SLC35F4: variants seen among roughly 807,000 people sequenced by gnomAD.
SLC35F4 encodes chromosome 14 open reading frame 36.
SLC35F4 carries 24 observed loss-of-function variants against 44.2 expected under a neutral mutation model. That is an observed-to-expected ratio of 0.54 (90% CI 0.39 to 0.76). The LOEUF is 0.76. Among genes scored for constraint, SLC35F4 ranks in the 30% least tolerant of loss-of-function variants. SLC35F4 has a pLI of 0.00. For missense variants in SLC35F4, 562 were observed against 586.1 expected, an observed-to-expected ratio of 0.96 and a Z score of 0.42; for synonymous variants, 238 against 223.6, an observed-to-expected ratio of 1.06 and a Z score of -0.57.
intron 1 of SLC35F4, among the ~76,000 whole-genome samples, chr14:57,756,194 T>C (rs994408221): frequency 1.3e-5 from 2 of 152,238 alleles, no homozygotes; most frequent in Admixed American, 1.3e-4. Flanking sequence ...TTTTTTAATA[T>C]AAGCCTTTAA....
chr14:57,731,081 TGACAA>T (rs1041661685), intron 1 of SLC35F4, among the ~76,000 whole-genome samples: 6 of 152,124 alleles, frequency 3.9e-5, no homozygotes, highest in Admixed American at 3.9e-4. Context: ...AAGGGGACCT[TGACAA>T]GACAAAAGGG....
At chr14:57,624,309 T>C (rs563144878) in intron 1 of SLC35F4, among the ~76,000 whole-genome samples, 92 of 152,288 alleles carry the variant, frequency 6.0e-4, no homozygotes, top group African/African-American at 2.2e-3. Flanking sequence ...CAGTAATTAA[T>C]AGCTTACCAA....
Position 57,571,876 on chromosome 14 carries a change from A to G in SLC35F4, c.933+18T>C, listed in dbSNP as rs761651147. 38 of 1,600,352 alleles carry G rather than the reference A, an allele frequency of 2.4e-5. No individual in the cohort carries two copies. In the Admixed American group the frequency reaches 6.5e-4, roughly 27 times the overall value. On this transcript the variant is annotated intron_variant, in intron 5 of 7. Coordinates refer to ENST00000556826, the MANE Select transcript of SLC35F4 (RefSeq NM_001306087.2). ...GTTATGAGTGACAGTTGCTTACAAA[A>G]GAAAGTGCACAACATACCTTATATA... is the stretch of plus-strand genomic sequence containing the variant.
At chr14:57,697,222 T>C (rs1304944814) in intron 1 of SLC35F4, among the ~76,000 whole-genome samples, 1 of 152,196 alleles carries the variant, frequency 6.6e-6, no homozygotes, top group Admixed American at 6.5e-5. Flanking sequence ...TTCTCTTTGA[T>C]ACATTGGTCA....
chr14:57,858,804 G>A (rs1887393278), intron 1 of SLC35F4, among the ~76,000 whole-genome samples: 1 of 150,622 alleles, frequency 6.6e-6, no homozygotes, highest in South Asian at 2.1e-4. Context: ...AGATCTAAAA[G>A]GAAAGTTGGG....
intron 1 of SLC35F4, among the ~76,000 whole-genome samples, chr14:57,903,289 A>T (rs1889044167): frequency 1.3e-5 from 2 of 152,212 alleles, no homozygotes; most frequent in Admixed American, 6.5e-5. Flanking sequence ...TTAAGAGAAA[A>T]CATCAGGAGT....
intron 1 of SLC35F4, among the ~76,000 whole-genome samples, chr14:57,882,643 C>T (rs868583882): frequency 3.9e-5 from 6 of 152,168 alleles, no homozygotes; most frequent in Admixed American, 1.3e-4. Flanking sequence ...AATTACCTCT[C>T]TCCACAAATC....
At chr14:57,628,196 C>T (rs4901801) in intron 1 of SLC35F4, among the ~76,000 whole-genome samples, 99,387 of 148,222 alleles carry the variant, frequency 0.67, 33,947 homozygotes, top group Non-Finnish European at 0.75. Context: ...TTCCTATTTA[C>T]GAGTTGTACA....
intron 1 of SLC35F4, among the ~76,000 whole-genome samples, chr14:57,678,149 A>G (rs1594776503): frequency 6.6e-6 from 1 of 152,258 alleles, no homozygotes; most frequent in Non-Finnish European, 1.5e-5. Flanking sequence ...CACAAAGGGA[A>G]GCCTATCAGA....
At chr14:57,726,700 G>GTA (rs1161078619) in intron 1 of SLC35F4, among the ~76,000 whole-genome samples, 2 of 152,120 alleles carry the variant, frequency 1.3e-5, no homozygotes, top group African/African-American at 4.8e-5. Flanking sequence ...CAGGAGATGT[G>GTA]TATGGGTTCA....
At chr14:57,795,998 C>T (rs1231586307) in intron 1 of SLC35F4, among the ~76,000 whole-genome samples, 2 of 152,098 alleles carry the variant, frequency 1.3e-5, no homozygotes, top group African/African-American at 4.8e-5. Context: ...TTCCTTGTGT[C>T]CATATGTACT....
chr14:57,619,756 G>A (rs1297974195), intron 1 of SLC35F4, among the ~76,000 whole-genome samples: 2 of 152,066 alleles, frequency 1.3e-5, no homozygotes, highest in Admixed American at 6.5e-5. Context: ...AGCTAAAGGA[G>A]CATGTTCTAA....
At chr14:57,887,779 T>C (rs867795189) in intron 1 of SLC35F4, among the ~76,000 whole-genome samples, 1 of 152,198 alleles carries the variant, frequency 6.6e-6, no homozygotes, top group Non-Finnish European at 1.5e-5. Context: ...CTTCTGGGCA[T>C]TATTCTCAAG....
chr14:57,628,783 T>C (rs1326562246), intron 1 of SLC35F4, among the ~76,000 whole-genome samples: 1 of 152,148 alleles, frequency 6.6e-6, no homozygotes. Context: ...CTACCTGATA[T>C]GTAAATAAGT....
intron 1 of SLC35F4, among the ~76,000 whole-genome samples, chr14:57,740,110 C>T (rs2076568231): frequency 6.6e-6 from 1 of 152,056 alleles, no homozygotes; most frequent in South Asian, 2.1e-4. Flanking sequence ...TCCACCTGCC[C>T]TGGCCTCACA....
chr14:57,725,261 T>C (rs1295006880), intron 1 of SLC35F4, among the ~76,000 whole-genome samples: 2 of 152,134 alleles, frequency 1.3e-5, no homozygotes, highest in African/African-American at 2.4e-5. Context: ...CAACATGGAC[T>C]TCCACTCACC....
intron 1 of SLC35F4, among the ~76,000 whole-genome samples, chr14:57,900,665 C>CA (rs1182028648): frequency 3.3e-5 from 5 of 152,060 alleles, no homozygotes; most frequent in African/African-American, 9.7e-5. Flanking sequence ...GCAACAAAAG[C>CA]AAAAATTGAC....
intron 1 of SLC35F4, among the ~76,000 whole-genome samples, chr14:57,889,949 T>A (rs575254398): frequency 3.9e-5 from 6 of 152,296 alleles, no homozygotes; most frequent in Admixed American, 2.6e-4. Context: ...TTATCTGCCC[T>A]TGTAAAGTTT....
chr14:57,905,554 G>A (rs1157053935), intron 1 of SLC35F4, among the ~76,000 whole-genome samples: 1 of 152,178 alleles, frequency 6.6e-6, no homozygotes, highest in Non-Finnish European at 1.5e-5. Flanking sequence ...TGTTTGAGTT[G>A]CCTCTGTGGC....
Sources: allele counts gnomAD v4.1 joint callset (sites outside exome capture counted in the v4.1 genomes callset), GRCh38; gene constraint gnomAD v4.1.1; transcripts MANE v1.5; gene names NCBI Gene and HGNC (gene_info 2026-07-23, HGNC 2026-07-21).